Variants in KCNMA1 observed in about 807,000 individuals in gnomAD.
KCNMA1 encodes Calcium-activated potassium channel subunit alpha-1.
In KCNMA1, 29 loss-of-function variants were observed where a neutral mutation model predicts 140.0. The ratio of observed to expected loss-of-function variants is 0.21; its 90% CI spans 0.15 to 0.28. KCNMA1 has a LOEUF of 0.28. Ranked by LOEUF, KCNMA1 falls within the 10% of genes least tolerant of loss-of-function variation. The probability of loss-of-function intolerance (pLI) is 1.00; values close to 1 mark genes in which losing one functional copy is unlikely to be tolerated. For missense variants in KCNMA1, 880 were observed against 1,602.2 expected, an observed-to-expected ratio of 0.55 and a Z score of 7.70; for synonymous variants, 612 against 611.9, an observed-to-expected ratio of 1.00 and a Z score of 0.00.
chr10:77,462,685 C>CG (rs2154525023), intron 1 of KCNMA1, among the ~76,000 whole-genome samples: 1 of 152,336 alleles, frequency 6.6e-6, no homozygotes, highest in Admixed American at 6.5e-5. Flanking sequence ...GGCTCTCCCC[C>CG]GGGAGAGAGT....
rs1349520700 is a variant in KCNMA1, at chr10:76,887,164, G to A, written c.*102C>T. The A allele has an allele frequency of 3.1e-6, 5 of 1,611,110 alleles. No individual in the cohort carries two copies. Among genetic ancestry groups the A allele is most frequent in the South Asian group, 1.1e-5 (1 of 90,202 alleles). On this transcript the variant is annotated 3_prime_UTR_variant, in exon 28 of 28. Coordinates refer to ENST00000286628, the MANE Select transcript of KCNMA1 (RefSeq NM_001161352.2). Reference sequence around the variant, plus strand: ...ATGCAAATATGTGTAAAAAAAAAGGGGGGGACTACAGGGGAAAACAGGGAA... The same window carrying A: ...ATGCAAATATGTGTAAAAAAAAAGGAGGGGACTACAGGGGAAAACAGGGAA...
intron 1 of KCNMA1, among the ~76,000 whole-genome samples, chr10:77,418,696 C>T (rs2096798105): frequency 1.3e-5 from 2 of 152,326 alleles, no homozygotes; most frequent in South Asian, 4.1e-4. Context: ...CTTGCCCACA[C>T]ACTTGCATCC....
At chr10:76,987,458 T>C (rs10824481) in intron 19 of KCNMA1, among the ~76,000 whole-genome samples, 59,680 of 152,082 alleles carry the variant, frequency 0.39, 12,539 homozygotes, top group Admixed American at 0.49. Flanking sequence ...TATTTTGAGC[T>C]TTCTGGGCCA....
chr10:77,506,810 C>A (rs1222243257), intron 1 of KCNMA1, among the ~76,000 whole-genome samples: 6 of 34,534 alleles, frequency 1.7e-4, no homozygotes, highest in South Asian at 8.3e-4. Context: ...AAAGATGTTC[C>A]GAGAGAGAGA....
intron 1 of KCNMA1, among the ~76,000 whole-genome samples, chr10:77,508,580 T>C (rs1219348060): frequency 1.1e-5 from 1 of 93,768 alleles, no homozygotes; most frequent in Non-Finnish European, 1.9e-5. Flanking sequence ...TTTTTTCTTT[T>C]CTTTTTTTTT....
chr10:76,914,840 A>G (rs1292108630), intron 24 of KCNMA1, 96 bp downstream of exon 24: 2 of 917,370 alleles, frequency 2.2e-6, no homozygotes, highest in African/African-American at 3.3e-5. Context: ...GCAGCTACAA[A>G]GTTGAAAGGG....
At chr10:77,507,301 TA>T (rs945851352) in intron 1 of KCNMA1, among the ~76,000 whole-genome samples, 1 of 152,182 alleles carries the variant, frequency 6.6e-6, no homozygotes, top group African/African-American at 2.4e-5. Flanking sequence ...GTTTGTTCCT[TA>T]AAATGTTGTA....
intron 13 of KCNMA1, chr10:77,077,887 A>G (rs560972536): frequency 6.6e-6 from 1 of 152,336 alleles, no homozygotes; most frequent in Non-Finnish European, 1.5e-5. Context: ...AAACAGGCGA[A>G]TGTGACCTTG....
At chr10:77,523,212 C>CCT (rs1555416305) in intron 1 of KCNMA1, among the ~76,000 whole-genome samples, 1 of 150,382 alleles carries the variant, frequency 6.6e-6, no homozygotes, top group Admixed American at 6.6e-5. Flanking sequence ...TGCCCCCCCC[C>CCT]CTTGCAATCA....
At chr10:77,127,390 ACT>A (rs1422675202) in intron 5 of KCNMA1, among the ~76,000 whole-genome samples, 5 of 152,164 alleles carry the variant, frequency 3.3e-5, no homozygotes, top group African/African-American at 1.2e-4. Flanking sequence ...GCTTCTAGCC[ACT>A]GCCCTGTACA....
At position 77,084,727 on chromosome 10, in the gene KCNMA1, A is replaced by T; in HGVS notation, c.1441-8T>A. 1 of 1,605,606 alleles carries T rather than the reference A, an allele frequency of 6.2e-7. No individual in the cohort carries two copies. Among genetic ancestry groups the T allele is most frequent in the Non-Finnish European group, 8.5e-7 (1 of 1,172,524 alleles). On this transcript the variant is annotated splice_region_variant and splice_polypyrimidine_tract_variant and intron_variant, in intron 11 of 27. Transcript: ENST00000286628. The stretch of plus-strand genomic sequence containing the variant: ...TGCATCTGCTGACTCTATCTAAGAC[A>T]CCGAAAGGAAAATTCACAGAACACA...
intron 15 of KCNMA1, among the ~76,000 whole-genome samples, chr10:77,038,317 A>G (rs2094460733): frequency 1.3e-5 from 2 of 151,964 alleles, no homozygotes; most frequent in Non-Finnish European, 2.9e-5. Flanking sequence ...ATGTCTTCAG[A>G]CCTCTCTTTT....
chr10:76,891,067 A>T (rs2039838298), intron 26 of KCNMA1, among the ~76,000 whole-genome samples: 1 of 152,204 alleles, frequency 6.6e-6, no homozygotes, highest in Non-Finnish European at 1.5e-5. Flanking sequence ...CTATTAATGT[A>T]TAGTTGGGTT....
chr10:77,305,626 T>G (rs2077518384), intron 2 of KCNMA1, among the ~76,000 whole-genome samples: 1 of 152,114 alleles, frequency 6.6e-6, no homozygotes, highest in Non-Finnish European at 1.5e-5. Flanking sequence ...TAGGGTAAAA[T>G]TAAGATGATA....
At chr10:76,992,307 T>A (rs1056737718) in intron 19 of KCNMA1, among the ~76,000 whole-genome samples, 2 of 152,214 alleles carry the variant, frequency 1.3e-5, no homozygotes, top group African/African-American at 4.8e-5. Flanking sequence ...TCTGTGGGCA[T>A]GTGTAGCAAT....
chr10:77,136,329 A>G (rs1425735299), intron 5 of KCNMA1, among the ~76,000 whole-genome samples: 1 of 152,208 alleles, frequency 6.6e-6, no homozygotes, highest in Non-Finnish European at 1.5e-5. Context: ...AACAAGGAAA[A>G]TTTTTGACAT....
intron 1 of KCNMA1, among the ~76,000 whole-genome samples, chr10:77,488,191 G>GCAA (rs2098483823): frequency 6.6e-6 from 1 of 152,160 alleles, no homozygotes; most frequent in Non-Finnish European, 1.5e-5. Context: ...ACCCTCAAAG[G>GCAA]CTGTTCTGAG....
intron 1 of KCNMA1, among the ~76,000 whole-genome samples, chr10:77,502,966 G>T (rs761621319): frequency 1.3e-5 from 2 of 152,172 alleles, no homozygotes; most frequent in Admixed American, 6.5e-5. Flanking sequence ...AAGACCGCTC[G>T]GTGAGCTGAG....
chr10:77,636,190 C>T, intron 1 of KCNMA1: 1 of 1,424,314 alleles, frequency 7.0e-7, no homozygotes, highest in Non-Finnish European at 9.1e-7. Context: ...AGGCAGCTGG[C>T]TCACTCTCTT....
Sources: allele counts gnomAD v4.1 joint callset (sites outside exome capture counted in the v4.1 genomes callset), GRCh38; gene constraint gnomAD v4.1.1; transcripts MANE v1.5; gene names NCBI Gene and HGNC (gene_info 2026-07-23, HGNC 2026-07-21).